PCNT: variants seen among roughly 807,000 people sequenced by gnomAD.
The protein encoded by PCNT is kendrin.
PCNT carries 319 observed loss-of-function variants against 380.4 expected under a neutral mutation model. The observed-to-expected ratio is 0.84, with a 90% CI of 0.77 to 0.92. The LOEUF (loss-of-function observed/expected upper bound fraction) is 0.92, where lower values mean the gene tolerates loss of function less well. Among genes scored for constraint, PCNT ranks in the 40% least tolerant of loss-of-function variants. The pLI is 0.00. For synonymous variants in PCNT, 1,845 were observed against 1,735.2 expected (o/e 1.06, Z -1.57); for missense variants, 4,400 against 4,255.3 (o/e 1.03, Z -0.95).
At chr21:46,324,579 C>A (rs2083297541) in intron 1 of PCNT, among the ~76,000 whole-genome samples, 1 of 146,552 alleles carries the variant, frequency 6.8e-6, no homozygotes, top group Admixed American at 6.7e-5. Flanking sequence ...GGGTGGGGCG[C>A]GGGCTGGGCG....
At chr21:46,343,907 A>G (rs1197092116) in intron 3 of PCNT, among the ~76,000 whole-genome samples, 4 of 152,080 alleles carry the variant, frequency 2.6e-5, no homozygotes, top group Non-Finnish European at 5.9e-5. Context: ...TGTGCACATA[A>G]AGGTGTTCAT....
intron 17 of PCNT, among the ~76,000 whole-genome samples, chr21:46,387,477 G>A (rs561698676): frequency 1.3e-5 from 2 of 152,262 alleles, no homozygotes; most frequent in Admixed American, 1.3e-4. Flanking sequence ...AACACAAGGG[G>A]TGCAGAGGTG....
In PCNT at chr21:46,411,620, C is replaced by A. The variant is rs370410169; in HGVS notation, c.5547C>A (p.Val1849=). 3.0e-5 allele frequency: 48 copies of A among 1,613,040 alleles called. No individual in the cohort carries two copies. Among genetic ancestry groups the A allele is most frequent in the African/African-American group, 1.9e-4 (14 of 75,046 alleles). The change falls in exon 28 of 47, where the codon GTC becomes GTA. Residue 1849 remains valine, a synonymous_variant. Transcript: ENST00000359568. ...ATGTAGCCCTCAGGGAGGCTGAGGT[C>A]GAAGACATGGCCTCCCGGATCCAGG... The part of the protein sequence containing the change: ...ERNVALREAE[V]EDMASRIQEF...
chr21:46,346,186 A>T lies in PCNT; in HGVS notation c.698A>T (p.Glu233Val). 1 of 1,596,190 alleles carries T rather than the reference A, an allele frequency of 6.3e-7. No homozygotes were observed. The highest frequency in any genetic ancestry group is 8.6e-7 in the Non-Finnish European group (1 of 1,168,574). ...GACCTGGAGAGCGGCCGTGAAGATG[A>T]GGCTGGCCTGCATCAGAGTCAGGTG... Reference protein sequence around the residue: ...ITDLESGREDEAGLHQSQAVH... With the variant: ...ITDLESGREDVAGLHQSQAVH... Residue 233 changes from glutamate (E) to valine (V), a missense_variant, in exon 4 of 47, where the codon GAG (glutamate) becomes GTG (valine). Physicochemically the swap from Glu to Val is moderately radical, Grantham distance 121. Transcript: ENST00000359568.
At chr21:46,367,603 G>A (rs1306364107) in intron 15 of PCNT, among the ~76,000 whole-genome samples, 2 of 152,110 alleles carry the variant, frequency 1.3e-5, no homozygotes. Flanking sequence ...CACCGCACCC[G>A]GCCTGAGCTG....
chr21:46,326,624 C>G, intron 2 of PCNT, 35 bp downstream of exon 2: 1 of 1,584,720 alleles, frequency 6.3e-7, no homozygotes, highest in Non-Finnish European at 8.7e-7. Context: ...GAACATTTCG[C>G]TTATCTTCTA....
At chr21:46,361,466 ATGC>A (rs1285982046) in intron 13 of PCNT, among the ~76,000 whole-genome samples, 1 of 152,228 alleles carries the variant, frequency 6.6e-6, no homozygotes. Context: ...AGTCACCATG[ATGC>A]TGCGTTGTGT....
chr21:46,427,415 G>A (rs1165923886), intron 33 of PCNT, among the ~76,000 whole-genome samples: 3 of 152,196 alleles, frequency 2.0e-5, no homozygotes, highest in Admixed American at 2.0e-4. Flanking sequence ...GCCCTTCCTG[G>A]TTTGCGGACA....
intron 31 of PCNT, among the ~76,000 whole-genome samples, chr21:46,418,980 C>T (rs548761314): frequency 1.3e-5 from 2 of 152,366 alleles, no homozygotes; most frequent in African/African-American, 4.8e-5. Flanking sequence ...TCTTCCCTCT[C>T]ATGCTCACGC....
chr21:46,436,291 C>T (rs926323780), intron 39 of PCNT, 143 bp downstream of exon 39: 4 of 969,930 alleles, frequency 4.1e-6, no homozygotes, highest in Non-Finnish European at 6.2e-6. Flanking sequence ...TGAGACTTTG[C>T]TGAGGGATTC....
At chr21:46,369,613 T>G (rs2839229) in intron 15 of PCNT, among the ~76,000 whole-genome samples, 49,511 of 152,212 alleles carry the variant, frequency 0.33, 8,636 homozygotes, top group East Asian at 0.46. Flanking sequence ...AATGAAGTTC[T>G]GAAAGAATAT....
chr21:46,359,299 C>G (rs1329595520), intron 13 of PCNT, among the ~76,000 whole-genome samples: 6 of 144,672 alleles, frequency 4.1e-5, no homozygotes, highest in African/African-American at 1.5e-4. Flanking sequence ...TCACAGGCCA[C>G]CATTTTACCT....
rs561345270 is a variant in PCNT, at chr21:46,408,703, T to C, written c.5116-2486T>C. Among the ~76,000 whole-genome samples the C allele has an allele frequency of 6.6e-5, 10 of 151,666 alleles. No individual in the cohort carries two copies. The East Asian group carries it at 1.4e-3, about 21-fold the overall frequency. On this transcript the variant is annotated intron_variant, in intron 27 of 46. Coordinates refer to ENST00000359568, the MANE Select transcript of PCNT (RefSeq NM_006031.6). Reference sequence around the variant, plus strand: ...TCCATATTGTGGGGGAAATGTTTGCTTAAGTCTTTCAGAAAGTTTTTTTTT... The same window carrying C: ...TCCATATTGTGGGGGAAATGTTTGCCTAAGTCTTTCAGAAAGTTTTTTTTT...
At chr21:46,384,937 A>G (rs1308237847) in intron 16 of PCNT, among the ~76,000 whole-genome samples, 5 of 152,256 alleles carry the variant, frequency 3.3e-5, no homozygotes, top group African/African-American at 9.6e-5. Flanking sequence ...GTGCAGGCAC[A>G]TTCACGGTGT....
intron 31 of PCNT, 143 bp downstream of exon 31, chr21:46,418,449 TG>T (rs2087117713): frequency 1.5e-6 from 1 of 673,984 alleles, no homozygotes. Context: ...TTGTCGGGCG[TG>T]CACCTGGGGC....
rs758934658 is a variant in PCNT at position 46,436,131 on chromosome 21, C to T, written c.8979C>T (p.Thr2993=). The T allele has an allele frequency of 6.2e-7, 1 of 1,608,820 alleles. No homozygotes were observed. Among genetic ancestry groups the T allele is most frequent in the Non-Finnish European group, 8.5e-7 (1 of 1,179,844 alleles). The change falls in exon 39 of 47, where the codon ACC becomes ACT. Residue 2993 remains threonine (T), a synonymous_variant. Transcript: ENST00000359568. ...CCGCCCGGCTTCTCACCAGCTTCAC[C>T]AGCCAGGCCGTGGACAGGTGTGCAC... is the stretch of plus-strand genomic sequence containing the variant. ...LSAARLLTSF[T]SQAVDRTVND...
chr21:46,388,620 C>G lies in PCNT; in HGVS notation c.3465-122C>G, dbSNP rs555235149. On this transcript the variant is annotated intron_variant, in intron 17 of 46. Transcript: ENST00000359568. The surrounding 1 kb of genome is among the most constrained non-coding windows in gnomAD (Gnocchi z 4.2). ...GCATGAGGATCATGTCTTCCGGCCC[C>G]GTGGGGACAGGCAGCCGTGGGCCGA... The G allele has an allele frequency of 1.0e-5, 13 of 1,259,078 alleles. No homozygotes were observed. The highest frequency in any genetic ancestry group is 2.3e-5 in the East Asian group (1 of 42,986). 78.0% of individuals were successfully genotyped at this position (1,259,078 alleles called of 1,614,324 possible). A position where few individuals can be genotyped will look rare whatever the true frequency, so the allele number is the denominator to read the frequency against.
chr21:46,433,282 C>G lies in PCNT; in HGVS notation c.8751+1067C>G, dbSNP rs568441212. Among the ~76,000 whole-genome samples, 49 of 152,320 alleles carry G rather than the reference C, an allele frequency of 3.2e-4. 1 individual carries two copies. In the South Asian group the frequency reaches 9.7e-3, roughly 30 times the overall value. ...CCTGTAATCCCAGCTATTCGGGAGG[C>G]TGGGGCAGGAGAATTGCTTGAACCC... On this transcript the variant is annotated intron_variant, in intron 38 of 46. Coordinates refer to ENST00000359568, the MANE Select transcript of PCNT (RefSeq NM_006031.6).
chr21:46,377,885 T>TC (rs1017177237), intron 15 of PCNT, among the ~76,000 whole-genome samples: 3 of 86,352 alleles, frequency 3.5e-5, no homozygotes, highest in African/African-American at 2.4e-4. Flanking sequence ...AACAAGAAAC[T>TC]CCCCATTCTC....
Sources: gnomAD v4.1 joint callset for allele counts (sites outside exome capture counted in the v4.1 genomes callset) on GRCh38, gnomAD v4.1.1 for gene constraint, Gnocchi (gnomAD v3.1) non-coding constraint, MANE v1.5 for transcripts, NCBI Gene and HGNC (gene_info 2026-07-23, HGNC 2026-07-21) for gene names.